The following CLSTN2 variants were observed in gnomAD, a reference collection of about 807,000 sequenced individuals.
CLSTN2 encodes the protein calsyntenin-2.
CLSTN2 carries 48 observed loss-of-function variants against 101.2 expected under a neutral mutation model. That is an observed-to-expected ratio of 0.47 (90% CI 0.38 to 0.60). The LOEUF is 0.60. Among genes scored for constraint, CLSTN2 ranks in the 20% least tolerant of loss-of-function variants. The pLI is 0.00. For synonymous variants in CLSTN2, 481 were observed against 463.6 expected (o/e 1.04, Z -0.48); for missense variants, 1,160 against 1,238.2 (o/e 0.94, Z 0.95).
chr3:140,489,706 G>A (rs932003900), intron 8 of CLSTN2, among the ~76,000 whole-genome samples: 1 of 151,986 alleles, frequency 6.6e-6, no homozygotes, highest in Non-Finnish European at 1.5e-5. Flanking sequence ...GGCTTTTTGG[G>A]AGGATGTAGG....
At chr3:140,012,843 G>A (rs1317908953) in intron 1 of CLSTN2, among the ~76,000 whole-genome samples, 1 of 152,242 alleles carries the variant, frequency 6.6e-6, no homozygotes, top group Non-Finnish European at 1.5e-5. Flanking sequence ...AGGGACTTTA[G>A]AGGGAAACTG....
chr3:139,963,578 A>G (rs1267856752), intron 1 of CLSTN2, among the ~76,000 whole-genome samples: 1 of 152,212 alleles, frequency 6.6e-6, no homozygotes, highest in Non-Finnish European at 1.5e-5. Context: ...TTGTCTCTGT[A>G]CTAGTCTTTC....
intron 8 of CLSTN2, among the ~76,000 whole-genome samples, chr3:140,489,838 G>A (rs1478218985): frequency 6.6e-6 from 1 of 151,300 alleles, no homozygotes; most frequent in Non-Finnish European, 1.5e-5. Flanking sequence ...AACTGGCTCT[G>A]TATCAACTGG....
chr3:139,935,842 AG>A lies in CLSTN2; in HGVS notation c.109+361del, dbSNP rs1935010931. On this transcript the variant is annotated intron_variant, in intron 1 of 16. Coordinates refer to ENST00000458420, the MANE Select transcript of CLSTN2 (RefSeq NM_022131.3). The surrounding 1 kb of genome is among the most constrained non-coding windows in gnomAD (Gnocchi z 5.5). Reference sequence around the variant, plus strand: ...GCGCTGGCGCGCCGTGGGGACAAGCAGGTGTCTGCTCCTGCCTGGGGGAAGG... The same window carrying A: ...GCGCTGGCGCGCCGTGGGGACAAGCAGTGTCTGCTCCTGCCTGGGGGAAGG... Among the ~76,000 whole-genome samples, 1 of 152,038 alleles carries A rather than the reference AG, an allele frequency of 6.6e-6. No individual in the cohort carries two copies.
chr3:140,168,127 T>C (rs1235879315), intron 1 of CLSTN2, among the ~76,000 whole-genome samples: 2 of 152,228 alleles, frequency 1.3e-5, no homozygotes, highest in African/African-American at 4.8e-5. Flanking sequence ...AGTGACTGTA[T>C]TAGTCTTACA....
chr3:140,172,184 T>C (rs2107826659), intron 1 of CLSTN2, among the ~76,000 whole-genome samples: 1 of 146,866 alleles, frequency 6.8e-6, no homozygotes, highest in African/African-American at 2.5e-5. Context: ...ATTTTGAATC[T>C]GATGTACCTA....
At chr3:140,283,530 G>A (rs948183087) in intron 2 of CLSTN2, among the ~76,000 whole-genome samples, 1 of 152,110 alleles carries the variant, frequency 6.6e-6, no homozygotes, top group African/African-American at 2.4e-5. Flanking sequence ...CTTCATGAGG[G>A]GTTAGGGGAT....
intron 1 of CLSTN2, among the ~76,000 whole-genome samples, chr3:139,984,815 C>T (rs1307971989): frequency 2.6e-5 from 4 of 152,150 alleles, no homozygotes; most frequent in Admixed American, 2.6e-4. Context: ...TCTCAGATTC[C>T]TTGCTTGATA....
chr3:140,311,334 C>G (rs1202981787), intron 2 of CLSTN2, among the ~76,000 whole-genome samples: 1 of 90,612 alleles, frequency 1.1e-5, no homozygotes, highest in Non-Finnish European at 1.9e-5. Context: ...GAGACAGAGT[C>G]TCTCTTTGCT....
chr3:140,198,031 T>C (rs2010667919), intron 2 of CLSTN2, among the ~76,000 whole-genome samples: 1 of 152,182 alleles, frequency 6.6e-6, no homozygotes, highest in South Asian at 2.1e-4. Context: ...AAAGTCCTCA[T>C]GAATTGTACC....
At chr3:140,525,445 C>T (rs1280709232) in intron 8 of CLSTN2, among the ~76,000 whole-genome samples, 3 of 151,988 alleles carry the variant, frequency 2.0e-5, no homozygotes, top group Non-Finnish European at 4.4e-5. Context: ...ATTTTAAAAA[C>T]CTACTAACCA....
chr3:140,462,803 A>G (rs1933594436), intron 7 of CLSTN2: 1 of 152,194 alleles, frequency 6.6e-6, no homozygotes, highest in African/African-American at 2.4e-5. Flanking sequence ...GTAGCCAAGG[A>G]TTCTTGCATC....
intron 1 of CLSTN2, among the ~76,000 whole-genome samples, chr3:140,075,886 G>A (rs2008479238): frequency 6.6e-6 from 1 of 151,956 alleles, no homozygotes; most frequent in Non-Finnish European, 1.5e-5. Flanking sequence ...TGCCCTGCAG[G>A]TATCTCTGCA....
chr3:140,214,464 A>G (rs1254041939), intron 2 of CLSTN2, among the ~76,000 whole-genome samples: 1 of 151,992 alleles, frequency 6.6e-6, no homozygotes, highest in African/African-American at 2.4e-5. Context: ...AAAAAAAAAG[A>G]ATAGGTCCAC....
rs531012433 is a variant in CLSTN2, at chr3:139,943,590, C to T, written c.109+8107C>T. ...CCTTGAGATCCTGGGGTGTCTACTTCCACAGGCAACAGACGATACCACCAG... is the reference window on the plus strand; with the variant it reads ...CCTTGAGATCCTGGGGTGTCTACTTTCACAGGCAACAGACGATACCACCAG... On this transcript the variant is annotated intron_variant, in intron 1 of 16. Transcript: ENST00000458420. Among the ~76,000 whole-genome samples, 163 of 152,306 alleles carry T rather than the reference C, an allele frequency of 1.1e-3. 2 individuals carry two copies. Among genetic ancestry groups the T allele is most frequent in the African/African-American group, 3.7e-3 (153 of 41,552 alleles).
intron 8 of CLSTN2, among the ~76,000 whole-genome samples, chr3:140,493,663 T>C (rs907942041): frequency 9.2e-5 from 14 of 151,986 alleles, no homozygotes; most frequent in African/African-American, 3.1e-4. Context: ...AAGGAGAGGG[T>C]CAAAGGCACA....
chr3:140,153,306 T>C (rs2009897705), intron 1 of CLSTN2, among the ~76,000 whole-genome samples: 1 of 152,210 alleles, frequency 6.6e-6, no homozygotes, highest in Non-Finnish European at 1.5e-5. Context: ...AAAAAGCAAA[T>C]TGTCCTACAC....
chr3:139,938,597 T>C (rs1176140648), intron 1 of CLSTN2, among the ~76,000 whole-genome samples: 2 of 152,228 alleles, frequency 1.3e-5, no homozygotes, highest in African/African-American at 4.8e-5. Context: ...CACATGCTCA[T>C]GTTCTATGAG....
At chr3:140,327,350 C>A (rs1207405181) in intron 2 of CLSTN2, among the ~76,000 whole-genome samples, 17 of 152,210 alleles carry the variant, frequency 1.1e-4, no homozygotes. Context: ...TAACCCTAAA[C>A]ACTCACAACC....
Sources: gnomAD v4.1 joint callset for allele counts (sites outside exome capture counted in the v4.1 genomes callset) on GRCh38, gnomAD v4.1.1 for gene constraint, Gnocchi (gnomAD v3.1) non-coding constraint, MANE v1.5 for transcripts, NCBI Gene and HGNC (gene_info 2026-07-23, HGNC 2026-07-21) for gene names.